Variants in POLR1B observed in about 807,000 individuals in gnomAD.
POLR1B encodes RNA polymerase I subunit B.
In POLR1B, 30 loss-of-function variants were observed where a neutral mutation model predicts 105.8. The ratio of observed to expected loss-of-function variants is 0.28; its 90% CI spans 0.21 to 0.38. POLR1B has a LOEUF of 0.38. Among genes scored for constraint, POLR1B ranks in the 10% least tolerant of loss-of-function variants. The pLI is 1.00. For missense variants in POLR1B, 976 were observed against 1,435.8 expected (o/e 0.68, Z 5.17); for synonymous variants, 485 against 505.1 (o/e 0.96, Z 0.53).
At chr2:112,552,498 A>T in intron 6 of POLR1B, 147 bp from the exon 7 acceptor site, 1 of 787,928 alleles carries the variant, frequency 1.3e-6, no homozygotes, top group Non-Finnish European at 1.9e-6. Flanking sequence ...AGCACTTCAA[A>T]TGTGGCCAGT....
chr2:112,570,500 G>A (rs577208588), intron 12 of POLR1B, among the ~76,000 whole-genome samples: 1 of 152,290 alleles, frequency 6.6e-6, no homozygotes, highest in East Asian at 1.9e-4. Flanking sequence ...ACATCATAGA[G>A]TGAACTTACA....
chr2:112,560,997 G>A (rs1399471054), intron 9 of POLR1B, among the ~76,000 whole-genome samples: 1 of 151,864 alleles, frequency 6.6e-6, no homozygotes, highest in African/African-American at 2.4e-5. Context: ...TCCAGGAGGT[G>A]GAGGTTGCAG....
In POLR1B at chr2:112,578,372, G is replaced by T. The variant is rs1322583107; in HGVS notation, c.*2643G>T. On this transcript the variant is annotated 3_prime_UTR_variant, in exon 15 of 15. Coordinates refer to ENST00000263331, the MANE Select transcript of POLR1B (RefSeq NM_019014.6). Reference sequence around the variant, plus strand: ...TCTAACCCCTGGAAACCACTAATCTGTTCTTCATAATTTTCTTATTTCAAG... The same window carrying T: ...TCTAACCCCTGGAAACCACTAATCTTTTCTTCATAATTTTCTTATTTCAAG... Among the ~76,000 whole-genome samples, 4 of 152,096 alleles carry T rather than the reference G, an allele frequency of 2.6e-5. No individual in the cohort carries two copies. The highest frequency in any genetic ancestry group is 6.5e-5 in the Admixed American group (1 of 15,272).
rs554206129 is a variant in POLR1B at position 112,576,926 on chromosome 2, C to T, written c.*1197C>T. Reference sequence around the variant, plus strand: ...GGCTTTTTTCTGCTTTTATATTGATCTGCTTTCATAGCAGTGTGTAGAGTG... The same window carrying T: ...GGCTTTTTTCTGCTTTTATATTGATTTGCTTTCATAGCAGTGTGTAGAGTG... On this transcript the variant is annotated 3_prime_UTR_variant, in exon 15 of 15. Transcript: ENST00000263331. The T allele has an allele frequency of 7.2e-5, 11 of 152,304 alleles. No individual in the cohort carries two copies. Among genetic ancestry groups the T allele is most frequent in the African/African-American group, 2.6e-4 (11 of 41,560 alleles). 9.4% of individuals were successfully genotyped at this position (152,304 alleles called of 1,614,324 possible). A position where few individuals can be genotyped will look rare whatever the true frequency, so the allele number is the denominator to read the frequency against.
At chr2:112,555,794 C>CT (rs1340167778) in intron 7 of POLR1B, among the ~76,000 whole-genome samples, 1 of 152,130 alleles carries the variant, frequency 6.6e-6, no homozygotes, top group Non-Finnish European at 1.5e-5. Flanking sequence ...TACGTTAAAG[C>CT]TTTTAAACCT....
At position 112,578,016 on chromosome 2, in the gene POLR1B, AC is replaced by A. The variant is rs529924193; in HGVS notation, c.*2288del. Among the ~76,000 whole-genome samples, 1 of 152,162 alleles carries A rather than the reference AC, an allele frequency of 6.6e-6. No homozygotes were observed. Among genetic ancestry groups the A allele is most frequent in the Non-Finnish European group, 1.5e-5 (1 of 68,030 alleles). On this transcript the variant is annotated 3_prime_UTR_variant, in exon 15 of 15. Coordinates refer to ENST00000263331, the MANE Select transcript of POLR1B (RefSeq NM_019014.6). Reference sequence around the variant, plus strand: ...TCACACACTATTCCAGGTTCTGGCTACTGAATGATCCCACAGCTGAGGTCTA... The same window carrying A: ...TCACACACTATTCCAGGTTCTGGCTATGAATGATCCCACAGCTGAGGTCTA...
At position 112,564,363 on chromosome 2, in the gene POLR1B, C is replaced by T; in HGVS notation, c.1613-3C>T. ...TGATTGTGCTGTTTGTTTCCTTTAC[C>T]AGGGGTCACTCCCATTGATGGAGCT... On this transcript the variant is annotated splice_region_variant and splice_polypyrimidine_tract_variant and intron_variant, in intron 9 of 14. Coordinates refer to ENST00000263331, the MANE Select transcript of POLR1B (RefSeq NM_019014.6). 2 of 1,613,732 alleles carry T rather than the reference C, an allele frequency of 1.2e-6. No homozygotes were observed. The highest frequency in any genetic ancestry group is 1.7e-6 in the Non-Finnish European group (2 of 1,179,752).
At chr2:112,560,121 T>TG (rs1273879868) in intron 9 of POLR1B, among the ~76,000 whole-genome samples, 2 of 151,536 alleles carry the variant, frequency 1.3e-5, no homozygotes, top group Non-Finnish European at 1.5e-5. Context: ...TTGTTTTCTT[T>TG]GGGAAAAAAA....
chr2:112,556,439 T>C (rs1394335910), intron 7 of POLR1B, among the ~76,000 whole-genome samples: 1 of 152,332 alleles, frequency 6.6e-6, no homozygotes, highest in African/African-American at 2.4e-5. Flanking sequence ...TCTCCAAAAT[T>C]TATTCCTTCC....
intron 1 of POLR1B, 101 bp from the exon 2 acceptor site, chr2:112,546,911 C>A: frequency 7.7e-7 from 1 of 1,292,848 alleles, no homozygotes; most frequent in Non-Finnish European, 1.1e-6. Context: ...ATGGTGGCAT[C>A]ACAGGCATCA....
chr2:112,547,292 A>G, intron 2 of POLR1B, 113 bp downstream of exon 2: 1 of 1,487,462 alleles, frequency 6.7e-7, no homozygotes, highest in Non-Finnish European at 9.2e-7. Context: ...TGTCTAAGAG[A>G]TCCCACCTTC....
At chr2:112,551,709 T>C in intron 5 of POLR1B, 66 bp from the exon 6 acceptor site, 1 of 1,290,382 alleles carries the variant, frequency 7.7e-7, no homozygotes, top group South Asian at 1.4e-5. Flanking sequence ...AGAAGATAAT[T>C]ATTAGTGAAT....
chr2:112,560,514 T>TA (rs1683923327), intron 9 of POLR1B, among the ~76,000 whole-genome samples: 1 of 152,072 alleles, frequency 6.6e-6, no homozygotes, highest in Non-Finnish European at 1.5e-5. Context: ...CTTGGCTTGA[T>TA]ACTTGGTTTG....
Position 112,551,033 on chromosome 2 carries a change from T to C in POLR1B, c.762+31T>C, listed in dbSNP as rs202208983. The C allele has an allele frequency of 2.9e-5, 46 of 1,599,386 alleles. No homozygotes were observed. The Admixed American group carries it at 4.0e-4, about 14-fold the overall frequency. On this transcript the variant is annotated intron_variant, in intron 5 of 14. Transcript: ENST00000263331. Reference sequence around the variant, plus strand: ...ACTTAATGAATGCATTCTTTTGTTATGAAGAAATTCACTGGGGGTAGTATC... The same window carrying C: ...ACTTAATGAATGCATTCTTTTGTTACGAAGAAATTCACTGGGGGTAGTATC...
chr2:112,573,495 C>T (rs775960224), intron 13 of POLR1B, 67 bp from the exon 14 acceptor site: 106 of 1,531,596 alleles, frequency 6.9e-5, no homozygotes, highest in Middle Eastern at 1.8e-4. Flanking sequence ...GTATGATAGT[C>T]CCACCTAGTT....
intron 12 of POLR1B, among the ~76,000 whole-genome samples, chr2:112,571,158 T>C (rs1684568476): frequency 1.3e-5 from 2 of 152,326 alleles, no homozygotes; most frequent in Middle Eastern, 3.4e-3. Flanking sequence ...TTTTCCTTTA[T>C]ATTTTGAACA....
intron 4 of POLR1B, 85 bp from the exon 5 acceptor site, chr2:112,550,779 AAG>A: frequency 7.2e-7 from 1 of 1,390,580 alleles, no homozygotes; most frequent in South Asian, 1.3e-5. Context: ...AATTGTGTCT[AAG>A]AGGTTAAGAT....
chr2:112,554,257 C>T (rs1315817884), intron 7 of POLR1B, among the ~76,000 whole-genome samples: 3 of 151,860 alleles, frequency 2.0e-5, no homozygotes, highest in Admixed American at 6.6e-5. Flanking sequence ...CTCAGCCTCC[C>T]GGGTATCTAG....
intron 4 of POLR1B, 47 bp downstream of exon 4, chr2:112,549,446 C>CTT (rs376484413): frequency 3.6e-4 from 380 of 1,048,478 alleles, no homozygotes; most frequent in East Asian, 1.6e-3. Context: ...AAATTTAAAA[C>CTT]TTTTTTTTTT....
Sources: gnomAD v4.1 joint callset for allele counts (sites outside exome capture counted in the v4.1 genomes callset) on GRCh38, gnomAD v4.1.1 for gene constraint, MANE v1.5 for transcripts, NCBI Gene and HGNC (gene_info 2026-07-23, HGNC 2026-07-21) for gene names.